Variants in SART1 observed in about 807,000 individuals in gnomAD.
SART1 encodes the protein spliceosome associated factor 1, recruiter of U4/U6.U5 tri-snRNP, also known as U4/U6.U5 tri-snRNP-associated protein 1.
Under a neutral mutation model 105.0 loss-of-function variants are expected in SART1, and 28 were observed. The observed-to-expected ratio is 0.27, with a 90% CI of 0.20 to 0.37. The LOEUF is 0.37. Among genes scored for constraint, SART1 ranks in the 10% least tolerant of loss-of-function variants. The probability of loss-of-function intolerance (pLI) is 1.00; values close to 1 mark genes in which losing one functional copy is unlikely to be tolerated. For missense variants in SART1, 894 were observed against 1,106.5 expected (o/e 0.81, Z 2.72); for synonymous variants, 472 against 462.9 (o/e 1.02, Z -0.25).
chr11:65,978,240 G>T lies in SART1; in HGVS notation c.2172+341G>T. 2.0e-6 allele frequency: 1 copy of T among 495,734 alleles called. No individual in the cohort carries two copies. Among genetic ancestry groups the T allele is most frequent in the Non-Finnish European group, 3.7e-6 (1 of 273,512 alleles). 30.7% of individuals were successfully genotyped at this position (495,734 alleles called of 1,614,324 possible). On this transcript the variant is annotated intron_variant, in intron 17 of 19. Coordinates refer to ENST00000312397, the MANE Select transcript of SART1 (RefSeq NM_005146.5). The surrounding 1 kb of genome is among the most constrained non-coding windows in gnomAD (Gnocchi z 6.8). ...GCGTCCAGGCCCTTCCAGCACTCTC[G>T]TAGGCCGCCCGACCGTCCTGCCCTA... is the stretch of plus-strand genomic sequence containing the variant.
chr11:65,977,112 C>T lies in SART1; in HGVS notation c.1945+11C>T. 2 of 1,608,286 alleles carry T rather than the reference C, an allele frequency of 1.2e-6. No homozygotes were observed. The highest frequency in any genetic ancestry group is 8.5e-7 in the Non-Finnish European group (1 of 1,175,686). ...TGTGTCAGAACAAAGGTAGGGAGCT[C>T]AGGGCAGCCATGACTTGGGTGGGCT... On this transcript the variant is annotated intron_variant, in intron 15 of 19. Transcript: ENST00000312397.
chr11:65,966,576 A>G lies in SART1; in HGVS notation c.1188+20A>G. 7.4e-6 allele frequency: 11 copies of G among 1,480,132 alleles called. No individual in the cohort carries two copies. Among genetic ancestry groups the G allele is most frequent in the Non-Finnish European group, 9.8e-6 (11 of 1,118,986 alleles). 91.7% of individuals were successfully genotyped at this position (1,480,132 alleles called of 1,614,324 possible). On this transcript the variant is annotated intron_variant, in intron 9 of 19. Transcript: ENST00000312397. ...GAGATGGTGAGCCCTCCCGTGCCTT[A>G]TACTCGGGGTCAAGATTCTCCCTCC...
At chr11:65,970,452 G>A (rs1260205417) in intron 12 of SART1, among the ~76,000 whole-genome samples, 1 of 152,216 alleles carries the variant, frequency 6.6e-6, no homozygotes, top group Non-Finnish European at 1.5e-5. Context: ...GACGGAAGAA[G>A]AAAAAGATCT....
chr11:65,975,284 G>C (rs1855458769), intron 12 of SART1, among the ~76,000 whole-genome samples: 1 of 151,476 alleles, frequency 6.6e-6, no homozygotes, highest in Non-Finnish European at 1.5e-5. Flanking sequence ...TGTGTTTTTT[G>C]TAGAGACTGT....
intron 9 of SART1, 27 bp downstream of exon 9, chr11:65,966,583 G>T: frequency 1.4e-6 from 2 of 1,469,134 alleles, no homozygotes; most frequent in South Asian, 2.8e-5. Context: ...CTTATACTCG[G>T]GGTCAAGATT....
At chr11:65,970,538 T>A (rs1855353162) in intron 12 of SART1, among the ~76,000 whole-genome samples, 1 of 151,992 alleles carries the variant, frequency 6.6e-6, no homozygotes, top group Non-Finnish European at 1.5e-5. Context: ...ATCATTTATT[T>A]CAGGAGGGAA....
intron 9 of SART1, 149 bp from the exon 10 acceptor site, chr11:65,967,110 G>A (rs570985400): frequency 3.4e-6 from 4 of 1,181,378 alleles, no homozygotes; most frequent in African/African-American, 3.1e-5. Flanking sequence ...AATTGAGATA[G>A]TAACCACCCC....
Position 65,962,113 on chromosome 11 carries a change from G to A in SART1, c.313+20G>A. Reference sequence around the variant, plus strand: ...AGGCCGGTGAGGAGGCGGGGCCTGCGCAGGGGGCGGGTCGGGCGGGGGTCC... The same window carrying A: ...AGGCCGGTGAGGAGGCGGGGCCTGCACAGGGGGCGGGTCGGGCGGGGGTCC... On this transcript the variant is annotated intron_variant, in intron 1 of 19. Coordinates refer to ENST00000312397, the MANE Select transcript of SART1 (RefSeq NM_005146.5). 7.8e-7 allele frequency: 1 copy of A among 1,281,572 alleles called. No individual in the cohort carries two copies. Among genetic ancestry groups the A allele is most frequent in the Non-Finnish European group, 1.0e-6 (1 of 974,566 alleles). 79.4% of individuals were successfully genotyped at this position (1,281,572 alleles called of 1,614,324 possible).
chr11:65,975,181 A>G (rs1273363738), intron 12 of SART1, among the ~76,000 whole-genome samples: 1 of 142,966 alleles, frequency 7.0e-6, no homozygotes, highest in Admixed American at 7.2e-5. Context: ...ACGGCTCACC[A>G]TAGCCTCGGC....
intron 12 of SART1, among the ~76,000 whole-genome samples, chr11:65,970,305 A>C (rs1191251224): frequency 1.3e-5 from 2 of 152,190 alleles, no homozygotes; most frequent in Non-Finnish European, 2.9e-5. Context: ...AGCAGCTCGC[A>C]TGCCAACATT....
intron 12 of SART1, among the ~76,000 whole-genome samples, 159 bp downstream of exon 12, chr11:65,967,980 C>T (rs1226356548): frequency 2.9e-5 from 4 of 135,910 alleles, no homozygotes; most frequent in African/African-American, 8.3e-5. Context: ...GACAGAGTTT[C>T]GCTCTTTCGC....
chr11:65,962,523 G>A (rs1262412274), intron 1 of SART1, among the ~76,000 whole-genome samples: 1 of 152,232 alleles, frequency 6.6e-6, no homozygotes, highest in African/African-American at 2.4e-5. Context: ...GACGAATCGT[G>A]TAGGGCGCAT....
intron 12 of SART1, among the ~76,000 whole-genome samples, chr11:65,975,019 G>T (rs547720205): frequency 6.6e-6 from 1 of 151,812 alleles, no homozygotes; most frequent in Non-Finnish European, 1.5e-5. Context: ...CAGCCTGGGC[G>T]ACAAAGTGAG....
rs748034473 is a variant in SART1, at chr11:65,977,548, C to A, written c.1946-15C>A. On this transcript the variant is annotated splice_polypyrimidine_tract_variant and intron_variant, in intron 15 of 19. Coordinates refer to ENST00000312397, the MANE Select transcript of SART1 (RefSeq NM_005146.5). ...TCTCGAGGGGTTGGGAGTCTCACAA[C>A]CCCTCCATCCCTAGGGCTGCTGGAG... 1 of 1,612,016 alleles carries A rather than the reference C, an allele frequency of 6.2e-7. No homozygotes were observed. The highest frequency in any genetic ancestry group is 1.3e-5 in the African/African-American group (1 of 74,976).
intron 12 of SART1, among the ~76,000 whole-genome samples, chr11:65,975,742 G>A (rs1226237697): frequency 6.6e-6 from 1 of 152,122 alleles, no homozygotes; most frequent in African/African-American, 2.4e-5. Flanking sequence ...CTTCACTGAG[G>A]AGTGAGGACT....
rs147744540 is a variant in SART1 at position 65,976,490 on chromosome 11, G to A, written c.1668G>A (p.Thr556=). 1.8e-5 allele frequency: 28 copies of A among 1,581,988 alleles called. No homozygotes were observed. The highest frequency in any genetic ancestry group is 1.0e-4 in the South Asian group (9 of 86,130). ...AGGGGGCCATCGTGTTCAACGCCAC[G>A]TCCGAGTTCTGCCGCACCTTGGGGG... ...ERKGAIVFNA[T]SEFCRTLGEI... Residue 556 remains threonine, a synonymous_variant, in exon 13 of 20, where the codon ACG becomes ACA. Transcript: ENST00000312397. This position sits in a 1 kb window ranked among gnomAD's most constrained non-coding sequence, Gnocchi z 5.1.
rs756398781 is a variant in SART1 at position 65,966,361 on chromosome 11, C to T, written c.993C>T (p.Arg331=). 1.2e-6 allele frequency: 2 copies of T among 1,614,048 alleles called. No individual in the cohort carries two copies. Among genetic ancestry groups the T allele is most frequent in the African/African-American group, 1.3e-5 (1 of 75,062 alleles). The change falls in exon 9 of 20, where the codon CGC becomes CGT. Residue 331 remains arginine, a synonymous_variant. Coordinates refer to ENST00000312397, the MANE Select transcript of SART1 (RefSeq NM_005146.5). ...SVDDLAQQKP[R]SILSKYDEEL... is the part of the protein sequence containing the mutation. ...CTCTTGCCTTGCAGCAAAAACCTCG[C>T]TCTATCCTGTCCAAGTATGACGAAG... is the stretch of plus-strand genomic sequence containing the variant.
intron 12 of SART1, among the ~76,000 whole-genome samples, chr11:65,975,683 G>A (rs1855466566): frequency 6.6e-6 from 1 of 152,084 alleles, no homozygotes; most frequent in Non-Finnish European, 1.5e-5. Flanking sequence ...AAAAATGAAT[G>A]TAATATAAAA....
At position 65,972,905 on chromosome 11, in the gene SART1, C is replaced by T. The variant is rs183146633; in HGVS notation, c.1573-3490C>T. ...TTGAGAACGTGGCCGGGCGCGATGG[C>T]TCACGCCTGTAATCCCAGCACTTTG... On this transcript the variant is annotated intron_variant, in intron 12 of 19. Transcript: ENST00000312397. Among the ~76,000 whole-genome samples, 526 of 152,214 alleles carry T rather than the reference C, an allele frequency of 3.5e-3. 2 individuals are homozygous for T. Among genetic ancestry groups the T allele is most frequent in the African/African-American group, 0.011 (454 of 41,544 alleles).
Sources: allele counts gnomAD v4.1 joint callset (sites outside exome capture counted in the v4.1 genomes callset), GRCh38; gene constraint gnomAD v4.1.1; non-coding constraint Gnocchi (gnomAD v3.1); transcripts MANE v1.5; gene names NCBI Gene and HGNC (gene_info 2026-07-23, HGNC 2026-07-21).